MTF2: variants seen among roughly 807,000 people sequenced by gnomAD.
The protein encoded by MTF2 is metal response element binding transcription factor 2.
MTF2 carries 11 observed loss-of-function variants against 79.5 expected under a neutral mutation model. That is an observed-to-expected ratio of 0.14 (90% confidence interval 0.09 to 0.23). The LOEUF (loss-of-function observed/expected upper bound fraction) is 0.23, where lower values mean the gene tolerates loss of function less well. Ranked by LOEUF, MTF2 falls within the 10% of genes least tolerant of loss-of-function variation. The pLI, the probability that MTF2 is intolerant of heterozygous loss-of-function variation, is 1.00. For synonymous variants in MTF2, 208 were observed against 232.8 expected, an observed-to-expected ratio of 0.89 and a Z score of 0.97; for missense variants, 486 against 711.2, an observed-to-expected ratio of 0.68 and a Z score of 3.60.
intron 5 of MTF2, 53 bp downstream of exon 5, chr1:93,115,141 TCAAC>T: frequency 7.6e-7 from 1 of 1,317,930 alleles, no homozygotes; most frequent in Non-Finnish European, 1.1e-6. Flanking sequence ...TAAGACATTA[TCAAC>T]ATAATGATTG....
At chr1:93,101,279 C>A (rs1027193555) in intron 1 of MTF2, among the ~76,000 whole-genome samples, 1 of 151,486 alleles carries the variant, frequency 6.6e-6, no homozygotes, top group Non-Finnish European at 1.5e-5. Flanking sequence ...ATATGACTAG[C>A]AGTGATCCAG....
intron 1 of MTF2, among the ~76,000 whole-genome samples, chr1:93,097,288 C>G (rs1221805297): frequency 6.6e-6 from 1 of 152,094 alleles, no homozygotes; most frequent in African/African-American, 2.4e-5. Flanking sequence ...AGCAGACATC[C>G]TTTCTTGGAT....
intron 1 of MTF2, among the ~76,000 whole-genome samples, chr1:93,101,043 ATAGT>A (rs1228261231): frequency 6.6e-6 from 1 of 152,336 alleles, no homozygotes; most frequent in East Asian, 1.9e-4. Context: ...AAGAATTGAG[ATAGT>A]TCTTTATTTA....
intron 9 of MTF2, chr1:93,120,891 G>A: frequency 1.6e-6 from 2 of 1,234,306 alleles, no homozygotes; most frequent in Non-Finnish European, 2.0e-6. Context: ...TGTAGAAGGA[G>A]GAGGTATATT....
intron 1 of MTF2, among the ~76,000 whole-genome samples, chr1:93,083,376 T>C (rs1160374633): frequency 6.6e-6 from 1 of 152,216 alleles, no homozygotes; most frequent in East Asian, 1.9e-4. Context: ...GGAACAGCCA[T>C]GTTGTAGCAT....
intron 1 of MTF2, among the ~76,000 whole-genome samples, chr1:93,109,480 T>C (rs2101055747): frequency 6.6e-6 from 1 of 152,176 alleles, no homozygotes; most frequent in Non-Finnish European, 1.5e-5. Context: ...ATCACAGGTG[T>C]GTACCACCAC....
chr1:93,087,401 A>G (rs1557540287), intron 1 of MTF2, among the ~76,000 whole-genome samples: 2 of 152,158 alleles, frequency 1.3e-5, no homozygotes, highest in Non-Finnish European at 2.9e-5. Context: ...GTAAAACCCC[A>G]TCTCTACTAA....
chr1:93,106,173 A>T (rs1201870156), intron 1 of MTF2, among the ~76,000 whole-genome samples: 1 of 152,152 alleles, frequency 6.6e-6, no homozygotes. Flanking sequence ...CAGGGCATAA[A>T]CACTAGGAGA....
At chr1:93,114,543 T>C in intron 3 of MTF2, 145 bp from the exon 4 acceptor site, 1 of 539,902 alleles carries the variant, frequency 1.9e-6, no homozygotes, top group Non-Finnish European at 3.3e-6. Context: ...AGCAGAGAGA[T>C]ACCATTCGTG....
At chr1:93,092,812 A>G (rs1571219243) in intron 1 of MTF2, among the ~76,000 whole-genome samples, 3 of 152,322 alleles carry the variant, frequency 2.0e-5, no homozygotes, top group Admixed American at 2.0e-4. Context: ...TTGTGAGTAT[A>G]TAAAAATTGT....
At position 93,132,913 on chromosome 1, in the gene MTF2, A is replaced by G. The variant is rs183748804; in HGVS notation, c.1161-790A>G. Among the ~76,000 whole-genome samples the G allele has an allele frequency of 1.0e-3, 156 of 152,228 alleles. 1 individual carries two copies. The highest frequency in any genetic ancestry group is 1.7e-3 in the Non-Finnish European group (115 of 67,990). On this transcript the variant is annotated intron_variant, in intron 11 of 14. Transcript: ENST00000370298. The stretch of plus-strand genomic sequence containing the variant: ...TAGCACAGGGAACACCTTTGTATCC[A>G]TATTATCTAATATCATCTTTATATG...
intron 1 of MTF2, among the ~76,000 whole-genome samples, chr1:93,086,514 A>G (rs1571213411): frequency 6.6e-6 from 1 of 151,458 alleles, no homozygotes; most frequent in African/African-American, 2.4e-5. Context: ...AAAAAAAAAA[A>G]AAGATGAGGA....
chr1:93,122,789 T>C (rs2101077988), intron 9 of MTF2, among the ~76,000 whole-genome samples: 1 of 152,284 alleles, frequency 6.6e-6, no homozygotes, highest in Admixed American at 6.5e-5. Context: ...AGTTAAGGTT[T>C]CTAATTTTCT....
At chr1:93,094,292 T>C (rs920702102) in intron 1 of MTF2, among the ~76,000 whole-genome samples, 4 of 152,192 alleles carry the variant, frequency 2.6e-5, no homozygotes, top group Non-Finnish European at 4.4e-5. Context: ...GTGAAAACTT[T>C]TGTAATCACC....
At chr1:93,095,222 G>A (rs1269683441) in intron 1 of MTF2, among the ~76,000 whole-genome samples, 3 of 152,080 alleles carry the variant, frequency 2.0e-5, no homozygotes, top group Non-Finnish European at 4.4e-5. Context: ...AATTTTTTTT[G>A]TAGTGGTGGG....
intron 1 of MTF2, among the ~76,000 whole-genome samples, chr1:93,101,436 G>A (rs1456603903): frequency 6.9e-6 from 1 of 144,288 alleles, no homozygotes; most frequent in Non-Finnish European, 1.5e-5. Context: ...CTGGAGTGCA[G>A]TGGTGTGATT....
chr1:93,084,660 C>A (rs1654762300), intron 1 of MTF2, among the ~76,000 whole-genome samples: 1 of 152,048 alleles, frequency 6.6e-6, no homozygotes, highest in Non-Finnish European at 1.5e-5. Flanking sequence ...TAATTTCTTT[C>A]TCTGATATTA....
chr1:93,116,605 A>G (rs1005352328), intron 6 of MTF2, among the ~76,000 whole-genome samples: 3 of 151,324 alleles, frequency 2.0e-5, no homozygotes, highest in Admixed American at 6.6e-5. Context: ...GGCTCAAGCA[A>G]TCCTCCCATC....
intron 1 of MTF2, among the ~76,000 whole-genome samples, chr1:93,088,843 A>G (rs540753548): frequency 1.1e-3 from 171 of 152,286 alleles, no homozygotes; most frequent in Non-Finnish European, 1.8e-3. Flanking sequence ...GAGTGCTGGG[A>G]TTACAGGCAT....
Sources: allele counts gnomAD v4.1 joint callset (sites outside exome capture counted in the v4.1 genomes callset), GRCh38; gene constraint gnomAD v4.1.1; transcripts MANE v1.5; gene names NCBI Gene and HGNC (gene_info 2026-07-23, HGNC 2026-07-21).